SNX29: variants seen among roughly 807,000 people sequenced by gnomAD.
SNX29 encodes the protein sorting nexin 29.
Under a neutral mutation model 102.1 loss-of-function variants are expected in SNX29, and 78 were observed. The observed-to-expected ratio is 0.76, with a 90% CI of 0.64 to 0.92. The LOEUF (loss-of-function observed/expected upper bound fraction) is 0.92, where lower values mean the gene tolerates loss of function less well. Ranked by LOEUF, SNX29 falls within the 40% of genes least tolerant of loss-of-function variation. SNX29 has a pLI of 0.00. For synonymous variants in SNX29, 580 were observed against 414.5 expected, an observed-to-expected ratio of 1.40 and a Z score of -4.85; for missense variants, 1,280 against 1,061.7, an observed-to-expected ratio of 1.21 and a Z score of -2.86.
chr16:12,432,698 A>T (rs1329083317), intron 18 of SNX29, among the ~76,000 whole-genome samples: 1 of 152,232 alleles, frequency 6.6e-6, no homozygotes. Flanking sequence ...CCATGCCTTC[A>T]CTTGACAGTG....
chr16:12,569,755 C>T lies in SNX29; in HGVS notation c.*1126C>T, dbSNP rs962954903. ...CCCCCAGGGCTCCTCCTCCAGTGAG[C>T]TCACATCAGAGCACCTCACAGAGCA... On this transcript the variant is annotated 3_prime_UTR_variant, in exon 21 of 21. Coordinates refer to ENST00000566228, the MANE Select transcript of SNX29 (RefSeq NM_032167.5). 2.6e-5 allele frequency: 6 copies of T among 230,344 alleles called. No individual in the cohort carries two copies. The highest frequency in any genetic ancestry group is 1.1e-4 in the African/African-American group (5 of 45,166). The allele number at this position is 230,344 out of a possible 1,614,324, so 14.3% of individuals were successfully genotyped here.
intron 14 of SNX29, among the ~76,000 whole-genome samples, chr16:12,264,933 G>T (rs1400978045): frequency 2.6e-5 from 4 of 152,130 alleles, no homozygotes; most frequent in Non-Finnish European, 4.4e-5. Context: ...CACCAAAATA[G>T]AACCATACTA....
intron 19 of SNX29, among the ~76,000 whole-genome samples, chr16:12,512,513 A>G (rs761142881): frequency 9.3e-5 from 14 of 149,912 alleles, no homozygotes; most frequent in Admixed American, 2.0e-4. Flanking sequence ...TCCCATGCTC[A>G]AGTGATCTTT....
intron 11 of SNX29, among the ~76,000 whole-genome samples, chr16:12,099,988 C>G (rs2052941863): frequency 6.6e-6 from 1 of 152,198 alleles, no homozygotes; most frequent in African/African-American, 2.4e-5. Flanking sequence ...CTAGTCCTTG[C>G]AGCGACCCCA....
chr16:12,564,849 A>G (rs773856729), intron 20 of SNX29, among the ~76,000 whole-genome samples: 1 of 151,536 alleles, frequency 6.6e-6, no homozygotes, highest in Non-Finnish European at 1.5e-5. Flanking sequence ...GGCAGCTAAC[A>G]AGGGCTATGA....
At chr16:12,421,062 A>G (rs1459872387) in intron 18 of SNX29, among the ~76,000 whole-genome samples, 2 of 152,168 alleles carry the variant, frequency 1.3e-5, no homozygotes, top group East Asian at 3.9e-4. Flanking sequence ...CAGTAGCTGC[A>G]TTTTACAGAT....
intron 13 of SNX29, among the ~76,000 whole-genome samples, chr16:12,164,742 C>T (rs577549123): frequency 7.3e-4 from 95 of 130,574 alleles, no homozygotes; most frequent in Non-Finnish European, 1.3e-3. Flanking sequence ...GGCTGGAGTG[C>T]GGTGGTATGA....
chr16:12,361,738 A>G (rs1484951149), intron 16 of SNX29, among the ~76,000 whole-genome samples: 2 of 151,914 alleles, frequency 1.3e-5, no homozygotes, highest in Non-Finnish European at 2.9e-5. Flanking sequence ...TAATGGTAAT[A>G]TTTTTGCTTT....
At chr16:12,564,912 G>C (rs1415259051) in intron 20 of SNX29, among the ~76,000 whole-genome samples, 1 of 138,428 alleles carries the variant, frequency 7.2e-6, no homozygotes, top group Non-Finnish European at 1.5e-5. Context: ...TCTGCAGCAG[G>C]GACTGGAGGG....
chr16:12,376,138 G>A (rs1393047613), intron 16 of SNX29: 1 of 152,046 alleles, frequency 6.6e-6, no homozygotes, highest in African/African-American at 2.4e-5. Context: ...CCACACTCAG[G>A]GGATTACCCA....
chr16:12,303,162 G>T (rs2080232220), intron 15 of SNX29, among the ~76,000 whole-genome samples: 1 of 152,200 alleles, frequency 6.6e-6, no homozygotes, highest in Non-Finnish European at 1.5e-5. Context: ...GTCGATAGAG[G>T]TATGGAGTTG....
chr16:12,054,950 A>T (rs1360031318), intron 8 of SNX29, among the ~76,000 whole-genome samples: 1 of 152,002 alleles, frequency 6.6e-6, no homozygotes, highest in Non-Finnish European at 1.5e-5. Context: ...CACACGCAAG[A>T]TTTTTTTCCT....
chr16:12,258,633 C>T lies in SNX29; in HGVS notation c.1679-19300C>T, dbSNP rs111342595. Among the ~76,000 whole-genome samples the T allele has an allele frequency of 5.7e-3, 873 of 152,258 alleles. 6 individuals carry two copies. The highest frequency in any genetic ancestry group is 0.02 in the African/African-American group (842 of 41,530). ...TCCCAGGGCCCTGACCCATGGCAGT[C>T]GCTCACAATGTATATACTGGGGCAG... On this transcript the variant is annotated intron_variant, in intron 14 of 20. Transcript: ENST00000566228.
At chr16:12,563,189 A>C (rs990620295) in intron 20 of SNX29, among the ~76,000 whole-genome samples, 8 of 98,940 alleles carry the variant, frequency 8.1e-5, no homozygotes, top group African/African-American at 3.6e-4. Flanking sequence ...GTCACTTCCC[A>C]CAGTCAACAT....
chr16:12,162,743 T>C (rs1232451812), intron 13 of SNX29, among the ~76,000 whole-genome samples: 1 of 152,210 alleles, frequency 6.6e-6, no homozygotes, highest in Non-Finnish European at 1.5e-5. Flanking sequence ...GAACGGGGCC[T>C]GGCTCGTAGG....
At chr16:12,434,453 G>A (rs574279091) in intron 18 of SNX29, among the ~76,000 whole-genome samples, 1 of 152,280 alleles carries the variant, frequency 6.6e-6, no homozygotes, top group South Asian at 2.1e-4. Context: ...GCAGGGCGAG[G>A]GAGCCGATGT....
At chr16:12,202,423 G>C (rs894830626) in intron 14 of SNX29, among the ~76,000 whole-genome samples, 2 of 152,206 alleles carry the variant, frequency 1.3e-5, no homozygotes, top group African/African-American at 2.4e-5. Context: ...GGTGATGTCA[G>C]ATTTGCCGGA....
At chr16:12,477,115 T>G (rs1203170882) in intron 18 of SNX29, among the ~76,000 whole-genome samples, 5 of 152,224 alleles carry the variant, frequency 3.3e-5, no homozygotes. Context: ...GAGTATTCTC[T>G]AAGGAGTCAT....
At chr16:12,131,266 T>G (rs909083791) in intron 13 of SNX29, among the ~76,000 whole-genome samples, 5 of 152,366 alleles carry the variant, frequency 3.3e-5, no homozygotes, top group African/African-American at 9.6e-5. Context: ...AGCCTCCTTT[T>G]ATTTAAAAGC....
Sources: allele counts gnomAD v4.1 joint callset (sites outside exome capture counted in the v4.1 genomes callset), GRCh38; gene constraint gnomAD v4.1.1; transcripts MANE v1.5; gene names NCBI Gene and HGNC (gene_info 2026-07-23, HGNC 2026-07-21).